PALM2AKAP2: variants seen among roughly 807,000 people sequenced by gnomAD.
The protein encoded by PALM2AKAP2 is PALM2 and AKAP2 fusion.
Under a neutral mutation model 71.5 loss-of-function variants are expected in PALM2AKAP2, and 37 were observed. The ratio of observed to expected loss-of-function variants is 0.52; its 90% CI spans 0.40 to 0.68. PALM2AKAP2 has a LOEUF of 0.68. Ranked by LOEUF, PALM2AKAP2 falls within the 30% of genes least tolerant of loss-of-function variation. PALM2AKAP2 has a pLI of 0.00. For synonymous variants in PALM2AKAP2, 468 were observed against 478.8 expected (o/e 0.98, Z 0.29); for missense variants, 1,224 against 1,191.8 (o/e 1.03, Z -0.40).
chr9:109,767,415 A>G (rs7048735), intron 1 of PALM2AKAP2, among the ~76,000 whole-genome samples: 127,944 of 152,262 alleles, frequency 0.84, 54,319 homozygotes, highest in African/African-American at 0.96. Flanking sequence ...GCATCTTTGG[A>G]GGCTGTTGCC....
At chr9:110,116,215 A>G (rs1465539563) in intron 1 of PALM2AKAP2, among the ~76,000 whole-genome samples, 1 of 152,256 alleles carries the variant, frequency 6.6e-6, no homozygotes, top group Non-Finnish European at 1.5e-5. Flanking sequence ...AAGCCCCAGC[A>G]TTCACTTTAA....
intron 6 of PALM2AKAP2, among the ~76,000 whole-genome samples, chr9:109,963,650 G>T (rs762508201): frequency 3.3e-5 from 5 of 152,188 alleles, no homozygotes; most frequent in African/African-American, 9.6e-5. Flanking sequence ...TTTCTAAGGG[G>T]TGAGGAGTCT....
At chr9:109,705,606 G>T (rs1388920350) in intron 1 of PALM2AKAP2, among the ~76,000 whole-genome samples, 1 of 152,186 alleles carries the variant, frequency 6.6e-6, no homozygotes, top group Non-Finnish European at 1.5e-5. Context: ...AAGATCCAAT[G>T]ACAGTTGGAT....
intron 3 of PALM2AKAP2, among the ~76,000 whole-genome samples, chr9:109,886,288 T>TA (rs1188380389): frequency 6.6e-6 from 1 of 152,190 alleles, no homozygotes; most frequent in East Asian, 1.9e-4. Flanking sequence ...CTCGGGTTGA[T>TA]ACTTTCGGAG....
chr9:109,709,898 G>A (rs1828206110), intron 1 of PALM2AKAP2, among the ~76,000 whole-genome samples: 1 of 152,198 alleles, frequency 6.6e-6, no homozygotes, highest in Non-Finnish European at 1.5e-5. Context: ...CTGTGAATAT[G>A]ATCTTATTTG....
At chr9:110,157,708 A>G (rs1587873334) in intron 3 of PALM2AKAP2, among the ~76,000 whole-genome samples, 1 of 152,004 alleles carries the variant, frequency 6.6e-6, no homozygotes, top group African/African-American at 2.4e-5. Flanking sequence ...CCTGCCTTTC[A>G]CTCTTGAAAG....
intron 1 of PALM2AKAP2, among the ~76,000 whole-genome samples, chr9:110,131,697 G>T (rs1835738812): frequency 6.6e-6 from 1 of 152,186 alleles, no homozygotes; most frequent in African/African-American, 2.4e-5. Flanking sequence ...TCAGGAATTC[G>T]CTCTTTTGTT....
At position 109,831,101 on chromosome 9, in the gene PALM2AKAP2, A is replaced by G. The variant is rs539648604; in HGVS notation, c.46-36390A>G. Among the ~76,000 whole-genome samples the G allele has an allele frequency of 7.7e-4, 116 of 150,064 alleles. 1 individual carries two copies. The highest frequency in any genetic ancestry group is 3.4e-3 in the Middle Eastern group (1 of 292). On this transcript the variant is annotated intron_variant, in intron 1 of 9. Transcript: ENST00000302798. ...GTGAGATTTTTAGTAGGGATTTCTA[A>G]TGCATTCTTTTTTCCCATTGATGGT...
intron 1 of PALM2AKAP2, among the ~76,000 whole-genome samples, chr9:110,086,106 CAAAAAAAA>C (rs34871967): frequency 2.5e-5 from 2 of 80,248 alleles, no homozygotes; most frequent in East Asian, 8.9e-4. Flanking sequence ...GACTCCATCT[CAAAAAAAA>C]AAAAAAAAAG....
intron 1 of PALM2AKAP2, among the ~76,000 whole-genome samples, chr9:109,837,743 A>G (rs1218774528): frequency 2.0e-5 from 3 of 152,210 alleles, no homozygotes; most frequent in African/African-American, 4.8e-5. Flanking sequence ...CCTCTGATAA[A>G]ACAGACTTTA....
At chr9:110,108,198 C>T (rs531052903) in intron 1 of PALM2AKAP2, among the ~76,000 whole-genome samples, 13 of 150,734 alleles carry the variant, frequency 8.6e-5, no homozygotes, top group African/African-American at 3.2e-4. Context: ...TCACTGCAAC[C>T]TCTGCCTCCC....
At chr9:109,704,633 C>T (rs950022788) in intron 1 of PALM2AKAP2, among the ~76,000 whole-genome samples, 2 of 150,102 alleles carry the variant, frequency 1.3e-5, no homozygotes, top group African/African-American at 2.4e-5. Context: ...CAAGGCTGTC[C>T]TTCCCCTCTT....
At chr9:109,778,912 G>A (rs1276423334), upstream of PALM2AKAP2, among the ~76,000 whole-genome samples, 2 of 151,988 alleles carry the variant, frequency 1.3e-5, no homozygotes, top group Non-Finnish European at 2.9e-5. Flanking sequence ...GGGATTACAG[G>A]TGCCTGCCAC....
intron 1 of PALM2AKAP2, among the ~76,000 whole-genome samples, chr9:109,799,565 C>T (rs1207185814): frequency 6.6e-6 from 1 of 152,190 alleles, no homozygotes; most frequent in African/African-American, 2.4e-5. Context: ...ACGACCATTA[C>T]TCACTGCAGT....
At chr9:109,961,861 G>T (rs1026130432) in intron 6 of PALM2AKAP2, among the ~76,000 whole-genome samples, 2 of 152,094 alleles carry the variant, frequency 1.3e-5, no homozygotes, top group African/African-American at 4.8e-5. Flanking sequence ...TCATATTCCT[G>T]TGGGTACTAA....
chr9:109,691,927 C>G (rs367555315), intron 1 of PALM2AKAP2, among the ~76,000 whole-genome samples: 1 of 97,258 alleles, frequency 1.0e-5, no homozygotes, highest in Non-Finnish European at 2.0e-5. Flanking sequence ...TATATATACA[C>G]ATATATATAT....
intron 1 of PALM2AKAP2, among the ~76,000 whole-genome samples, chr9:109,656,444 C>T (rs1398269222): frequency 1.3e-5 from 2 of 152,168 alleles, no homozygotes; most frequent in Non-Finnish European, 1.5e-5. Flanking sequence ...CTTGAAAACA[C>T]ATTACTAGGT....
chr9:109,954,983 CCAA>C (rs1374068620), intron 6 of PALM2AKAP2, among the ~76,000 whole-genome samples: 1 of 152,116 alleles, frequency 6.6e-6, no homozygotes, highest in South Asian at 2.1e-4. Flanking sequence ...TTCATCACCA[CCAA>C]CACCAACACC....
intron 1 of PALM2AKAP2, among the ~76,000 whole-genome samples, chr9:109,743,242 T>C (rs1171916984): frequency 1.3e-5 from 2 of 152,182 alleles, no homozygotes; most frequent in African/African-American, 2.4e-5. Context: ...GAAGTGTAGT[T>C]CCAGCACTTA....
Sources: allele counts gnomAD v4.1 joint callset (sites outside exome capture counted in the v4.1 genomes callset), GRCh38; gene constraint gnomAD v4.1.1; transcripts MANE v1.5; gene names NCBI Gene and HGNC (gene_info 2026-07-23, HGNC 2026-07-21).